The following COL21A1 variants were observed in gnomAD, a reference collection of about 807,000 sequenced individuals.
COL21A1 encodes collagen alpha-1(XXI) chain.
In COL21A1, 149 loss-of-function variants were observed where a neutral mutation model predicts 137.9. That is an observed-to-expected ratio of 1.08 (90% CI 0.95 to 1.24). The LOEUF (loss-of-function observed/expected upper bound fraction) is 1.24, where lower values mean the gene tolerates loss of function less well. Among genes scored for constraint, COL21A1 ranks in the 50% most tolerant of loss-of-function variants. COL21A1 has a pLI of 0.00. For missense variants in COL21A1, 1,167 were observed against 1,158.4 expected (o/e 1.01, Z -0.11); for synonymous variants, 456 against 391.5 (o/e 1.16, Z -1.95).
intron 1 of COL21A1, among the ~76,000 whole-genome samples, chr6:56,371,513 G>A (rs1375552052): frequency 6.6e-6 from 1 of 152,094 alleles, no homozygotes; most frequent in Non-Finnish European, 1.5e-5. Context: ...CCATTCACGT[G>A]GACCATCCCA....
chr6:56,370,109 T>C (rs1460810681), intron 1 of COL21A1, among the ~76,000 whole-genome samples: 1 of 152,192 alleles, frequency 6.6e-6, no homozygotes, highest in Non-Finnish European at 1.5e-5. Context: ...TGTTATGCTT[T>C]TCTGTATTTG....
At chr6:56,219,750 A>C in intron 1 of COL21A1, among the ~76,000 whole-genome samples, 1 of 152,148 alleles carries the variant, frequency 6.6e-6, no homozygotes, top group East Asian at 1.9e-4. Context: ...CAATTAAGAT[A>C]GCATTTTGTC....
intron 17 of COL21A1, among the ~76,000 whole-genome samples, chr6:56,093,043 T>C (rs1768988442): frequency 6.6e-6 from 1 of 152,112 alleles, no homozygotes; most frequent in African/African-American, 2.4e-5. Flanking sequence ...CCTCTGCCTC[T>C]CTCTTACAAG....
chr6:56,206,689 AATAAATAAATATAT>A (rs1779798578), intron 1 of COL21A1, among the ~76,000 whole-genome samples: 1 of 22,204 alleles, frequency 4.5e-5, no homozygotes, highest in African/African-American at 1.8e-4. Context: ...AAAATAAATA[AATAAATAAATATAT>A]ATATATATAT....
At chr6:56,242,803 A>C (rs1357622294) in intron 1 of COL21A1, among the ~76,000 whole-genome samples, 1 of 152,216 alleles carries the variant, frequency 6.6e-6, no homozygotes, top group East Asian at 1.9e-4. Flanking sequence ...TATTGCTTTC[A>C]GTGCTCTTTA....
intron 1 of COL21A1, among the ~76,000 whole-genome samples, chr6:56,313,485 G>A (rs1247406884): frequency 6.6e-6 from 1 of 152,136 alleles, no homozygotes; most frequent in Non-Finnish European, 1.5e-5. Flanking sequence ...TCTGGTAAGA[G>A]CCCTTCTTCT....
chr6:56,375,386 A>G (rs2093997189), intron 1 of COL21A1, among the ~76,000 whole-genome samples: 3 of 152,138 alleles, frequency 2.0e-5, no homozygotes, highest in Admixed American at 2.0e-4. Flanking sequence ...AGCCAGTGGT[A>G]GGCACCCGTG....
At chr6:56,149,710 C>G (rs576919056) in intron 10 of COL21A1, among the ~76,000 whole-genome samples, 4,035 of 152,204 alleles carry the variant, frequency 0.027, 104 homozygotes, top group Middle Eastern at 0.068. Flanking sequence ...TCCAATAGAT[C>G]AGCAAGTCCT....
intron 12 of COL21A1, among the ~76,000 whole-genome samples, chr6:56,135,753 A>T (rs939761141): frequency 6.6e-6 from 1 of 152,222 alleles, no homozygotes; most frequent in African/African-American, 2.4e-5. Flanking sequence ...CAGTCCCTAC[A>T]TCGTATAGCT....
chr6:56,165,221 A>G lies in COL21A1; in HGVS notation c.1279-399T>C, dbSNP rs9475581. 8.8e-3 allele frequency among the ~76,000 whole-genome samples: 1,333 copies of G among 152,320 alleles called. 21 individuals are homozygous for G. Among genetic ancestry groups the G allele is most frequent in the African/African-American group, 0.029 (1,194 of 41,572 alleles). On this transcript the variant is annotated intron_variant, in intron 7 of 29. Coordinates refer to ENST00000244728, the MANE Select transcript of COL21A1 (RefSeq NM_030820.4). ...GAAGTCACAAACTGCATGCATTAAAATCTTGCACTTTAGGAGAGCTTCTCC... is the reference window on the plus strand; with the variant it reads ...GAAGTCACAAACTGCATGCATTAAAGTCTTGCACTTTAGGAGAGCTTCTCC...
chr6:56,231,093 A>G (rs1781527143), intron 1 of COL21A1: 1 of 151,922 alleles, frequency 6.6e-6, no homozygotes, highest in South Asian at 2.1e-4. Flanking sequence ...TACCTCCCAG[A>G]TGACTCTACT....
At chr6:56,184,266 A>C (rs1225916195) in intron 1 of COL21A1, among the ~76,000 whole-genome samples, 2 of 152,150 alleles carry the variant, frequency 1.3e-5, no homozygotes, top group African/African-American at 4.8e-5. Flanking sequence ...ATAAAATATA[A>C]AATTCCTAAA....
chr6:56,339,479 A>G (rs954347649), intron 1 of COL21A1, among the ~76,000 whole-genome samples: 8 of 152,316 alleles, frequency 5.3e-5, no homozygotes, highest in African/African-American at 1.9e-4. Context: ...CACCCCTGAA[A>G]TAGTCTTAAA....
At chr6:56,128,175 T>C (rs1458360867) in intron 12 of COL21A1, among the ~76,000 whole-genome samples, 1 of 152,172 alleles carries the variant, frequency 6.6e-6, no homozygotes, top group Non-Finnish European at 1.5e-5. Flanking sequence ...TGTTTGCTTG[T>C]TTTTGGTTAA....
chr6:56,386,393 T>C (rs2397221), intron 1 of COL21A1, among the ~76,000 whole-genome samples: 122,635 of 152,192 alleles, frequency 0.81, 49,872 homozygotes, highest in African/African-American at 0.92. Flanking sequence ...TTGGGTGCCT[T>C]CTTTCAGTTT....
rs554328329 is a variant in COL21A1 at position 56,119,078 on chromosome 6, A to G, written c.1758+4984T>C. ...CAACATAGTACTGGAAGTCCTAGCT[A>G]GAGAAATCAGACAAGAGAAAGTTAT... On this transcript the variant is annotated intron_variant, in intron 16 of 29. Coordinates refer to ENST00000244728, the MANE Select transcript of COL21A1 (RefSeq NM_030820.4). 1.1e-4 allele frequency among the ~76,000 whole-genome samples: 16 copies of G among 152,254 alleles called. No homozygotes were observed. In the South Asian group the frequency reaches 3.1e-3, roughly 30 times the overall value.
chr6:56,163,660 G>C (rs1776355497), intron 9 of COL21A1, among the ~76,000 whole-genome samples: 1 of 150,452 alleles, frequency 6.6e-6, no homozygotes. Context: ...AGTGAGCCCA[G>C]ATTGCGCCAC....
intron 1 of COL21A1, among the ~76,000 whole-genome samples, chr6:56,266,186 G>A (rs761922758): frequency 4.1e-4 from 63 of 152,074 alleles, no homozygotes; most frequent in East Asian, 1.9e-4. Context: ...TCTTCCCACC[G>A]AAAATCAAAG....
At chr6:56,153,219 T>TA (rs1775459869) in intron 10 of COL21A1, among the ~76,000 whole-genome samples, 1 of 152,170 alleles carries the variant, frequency 6.6e-6, no homozygotes, top group Non-Finnish European at 1.5e-5. Context: ...GAAGCTGTCT[T>TA]ATGATAATTC....
Sources: allele counts gnomAD v4.1 joint callset (sites outside exome capture counted in the v4.1 genomes callset), GRCh38; gene constraint gnomAD v4.1.1; transcripts MANE v1.5; gene names NCBI Gene and HGNC (gene_info 2026-07-23, HGNC 2026-07-21).